The following SNTG1 variants were observed in gnomAD, a reference collection of about 807,000 sequenced individuals.
SNTG1 encodes the protein gamma-1-syntrophin.
SNTG1 carries 39 observed loss-of-function variants against 74.7 expected under a neutral mutation model. That is an observed-to-expected ratio of 0.52 (90% CI 0.40 to 0.68). SNTG1 has a LOEUF of 0.68. SNTG1 is among the 30% of genes least tolerant of loss of function. The pLI, the probability that SNTG1 is intolerant of heterozygous loss-of-function variation, is 0.00. For missense variants in SNTG1, 685 were observed against 609.5 expected (o/e 1.12, Z -1.30); for synonymous variants, 254 against 217.1 (o/e 1.17, Z -1.49).
At chr8:50,636,740 G>A (rs569315447) in intron 13 of SNTG1, among the ~76,000 whole-genome samples, 5 of 152,164 alleles carry the variant, frequency 3.3e-5, no homozygotes, top group African/African-American at 1.2e-4. Flanking sequence ...TACTGTGTTT[G>A]CTCACCTGAT....
intron 5 of SNTG1, among the ~76,000 whole-genome samples, chr8:50,447,513 A>T (rs958848430): frequency 6.6e-6 from 1 of 152,178 alleles, no homozygotes; most frequent in Non-Finnish European, 1.5e-5. Flanking sequence ...CATCCTTAAC[A>T]TCCTTTCTAA....
At chr8:50,094,922 G>A (rs889527563) in intron 1 of SNTG1, among the ~76,000 whole-genome samples, 1 of 152,030 alleles carries the variant, frequency 6.6e-6, no homozygotes, top group Non-Finnish European at 1.5e-5. Flanking sequence ...GCCCATCAAT[G>A]GTAAACTGGA....
chr8:50,346,246 G>C (rs1404078060), intron 2 of SNTG1, among the ~76,000 whole-genome samples: 1 of 152,142 alleles, frequency 6.6e-6, no homozygotes, highest in Non-Finnish European at 1.5e-5. Context: ...CTCATTTCCT[G>C]TCTTTGTAAT....
At chr8:50,267,070 A>G (rs533399815) in intron 2 of SNTG1, among the ~76,000 whole-genome samples, 2 of 152,246 alleles carry the variant, frequency 1.3e-5, no homozygotes, top group Admixed American at 6.5e-5. Flanking sequence ...TAAAAATGAT[A>G]ACCATTTCTC....
intron 1 of SNTG1, among the ~76,000 whole-genome samples, chr8:50,161,781 A>G (rs540264442): frequency 5.9e-5 from 9 of 152,228 alleles, no homozygotes; most frequent in Non-Finnish European, 1.2e-4. Context: ...AGAAAAAAAA[A>G]GTCACCCAAT....
chr8:50,771,082 T>C (rs1282634591), intron 18 of SNTG1, among the ~76,000 whole-genome samples: 1 of 152,096 alleles, frequency 6.6e-6, no homozygotes, highest in Admixed American at 6.6e-5. Context: ...GGTGTTGCTC[T>C]ACAGATATCT....
chr8:50,276,900 T>C (rs937631040), intron 2 of SNTG1, among the ~76,000 whole-genome samples: 9 of 152,170 alleles, frequency 5.9e-5, no homozygotes, highest in South Asian at 2.1e-4. Flanking sequence ...TGTAGTGGCA[T>C]GATCTTGGCT....
intron 17 of SNTG1, among the ~76,000 whole-genome samples, chr8:50,749,026 C>T (rs187648047): frequency 4.2e-4 from 64 of 152,108 alleles, no homozygotes; most frequent in African/African-American, 1.5e-3. Flanking sequence ...GTGAGAAAGG[C>T]GTGTTGAAAA....
At chr8:50,494,004 AT>A (rs571696330) in intron 8 of SNTG1, among the ~76,000 whole-genome samples, 11 of 150,790 alleles carry the variant, frequency 7.3e-5, no homozygotes, top group Admixed American at 5.3e-4. Flanking sequence ...ATGCCAGGGA[AT>A]TTTTTTTTCT....
intron 1 of SNTG1, among the ~76,000 whole-genome samples, chr8:50,167,571 C>A (rs1237023151): frequency 2.7e-5 from 4 of 150,242 alleles, no homozygotes; most frequent in Non-Finnish European, 5.9e-5. Context: ...CCTTGGCAGG[C>A]AGATTGCTTG....
At chr8:50,774,548 TA>T (rs562271686) in intron 18 of SNTG1, among the ~76,000 whole-genome samples, 231 of 151,280 alleles carry the variant, frequency 1.5e-3, no homozygotes, top group African/African-American at 5.0e-3. Flanking sequence ...TTATTACATA[TA>T]AAAAAAAGAA....
intron 2 of SNTG1, among the ~76,000 whole-genome samples, chr8:50,321,493 C>T (rs2090527576): frequency 6.6e-6 from 1 of 152,034 alleles, no homozygotes; most frequent in Admixed American, 6.6e-5. Flanking sequence ...TTTAGCCACT[C>T]TATGTCTTTT....
At chr8:50,704,980 A>T (rs1040327119) in intron 16 of SNTG1, among the ~76,000 whole-genome samples, 1 of 152,220 alleles carries the variant, frequency 6.6e-6, no homozygotes, top group African/African-American at 2.4e-5. Flanking sequence ...ACTACTAATT[A>T]AAAATATATT....
intron 1 of SNTG1, among the ~76,000 whole-genome samples, chr8:50,169,611 C>T (rs1026071884): frequency 1.3e-5 from 2 of 152,200 alleles, no homozygotes; most frequent in Non-Finnish European, 2.9e-5. Flanking sequence ...AAAATCCCTC[C>T]GTTATTCTAG....
At chr8:50,191,345 T>C (rs561924841) in intron 2 of SNTG1, among the ~76,000 whole-genome samples, 1 of 152,236 alleles carries the variant, frequency 6.6e-6, no homozygotes, top group African/African-American at 2.4e-5. Flanking sequence ...AGGAGAAAAA[T>C]GCTTGGCAAA....
intron 2 of SNTG1, among the ~76,000 whole-genome samples, chr8:50,350,385 A>G (rs1286764716): frequency 6.6e-6 from 1 of 152,180 alleles, no homozygotes; most frequent in African/African-American, 2.4e-5. Context: ...TGGGCTCCTG[A>G]GTCTGGTGGG....
intron 12 of SNTG1, among the ~76,000 whole-genome samples, chr8:50,580,029 A>G (rs1028334901): frequency 6.6e-6 from 1 of 152,236 alleles, no homozygotes; most frequent in African/African-American, 2.4e-5. Flanking sequence ...GATAGCAGCC[A>G]GGAGGGGAGC....
chr8:50,715,475 G>T (rs1293935771), intron 17 of SNTG1, among the ~76,000 whole-genome samples: 2 of 152,112 alleles, frequency 1.3e-5, no homozygotes, highest in African/African-American at 4.8e-5. Flanking sequence ...CTGACACATA[G>T]CTTGTTAAAA....
intron 11 of SNTG1, 110 bp from the exon 12 acceptor site, chr8:50,552,940 G>A (rs1027674119): frequency 7.7e-7 from 1 of 1,298,280 alleles, no homozygotes; most frequent in Non-Finnish European, 1.0e-6. Flanking sequence ...TGAATTTGGA[G>A]GCTGATATTT....
Sources: allele counts gnomAD v4.1 joint callset (sites outside exome capture counted in the v4.1 genomes callset), GRCh38; gene constraint gnomAD v4.1.1; transcripts MANE v1.5; gene names NCBI Gene and HGNC (gene_info 2026-07-23, HGNC 2026-07-21).